RGS6: variants seen among roughly 807,000 people sequenced by gnomAD.
RGS6 encodes the protein regulator of G-protein signaling 6.
A neutral mutation model predicts 78.5 loss-of-function variants in RGS6; 30 were observed. The ratio of observed to expected loss-of-function variants is 0.38; its 90% CI spans 0.29 to 0.52. The LOEUF (loss-of-function observed/expected upper bound fraction) is 0.52, where lower values mean the gene tolerates loss of function less well. Ranked by LOEUF, RGS6 falls within the 20% of genes least tolerant of loss-of-function variation. RGS6 has a pLI of 0.85. For missense variants in RGS6, 495 were observed against 609.7 expected (o/e 0.81, Z 1.98); for synonymous variants, 206 against 206.0 (o/e 1.00, Z 0.00).
chr14:72,234,803 C>G (rs2050575087), intron 2 of RGS6, among the ~76,000 whole-genome samples: 1 of 152,102 alleles, frequency 6.6e-6, no homozygotes, highest in Non-Finnish European at 1.5e-5. Flanking sequence ...CCTTTGAGAG[C>G]AAGTTTTCTC....
chr14:72,510,522 T>C (rs975149974), intron 14 of RGS6, among the ~76,000 whole-genome samples: 2 of 152,226 alleles, frequency 1.3e-5, no homozygotes, highest in South Asian at 2.1e-4. Context: ...GTGCGACTAA[T>C]TGGAAATAAG....
chr14:72,581,717 A>T, the RGS6 span, among the ~76,000 whole-genome samples: 1 of 152,052 alleles, frequency 6.6e-6, no homozygotes, highest in Admixed American at 6.5e-5. Context: ...TCCCTTCTCC[A>T]CCTACAAGAC....
At chr14:72,153,403 T>C (rs2096722507) in intron 2 of RGS6, among the ~76,000 whole-genome samples, 1 of 152,234 alleles carries the variant, frequency 6.6e-6, no homozygotes, top group Non-Finnish European at 1.5e-5. Context: ...GCTGTTTGCC[T>C]GCTTTTCACT....
the RGS6 span, among the ~76,000 whole-genome samples, chr14:72,572,903 G>T: frequency 3.3e-5 from 5 of 151,986 alleles, no homozygotes; most frequent in African/African-American, 1.2e-4. Context: ...AACAGGAAAG[G>T]AGAGGGGGAA....
chr14:72,403,549 C>G (rs2092661309), intron 3 of RGS6, among the ~76,000 whole-genome samples: 1 of 152,082 alleles, frequency 6.6e-6, no homozygotes, highest in South Asian at 2.1e-4. Context: ...TGTTGGGTGA[C>G]TACAGTTAAA....
At chr14:71,938,842 A>G (rs2152949189) in intron 1 of RGS6, among the ~76,000 whole-genome samples, 1 of 152,326 alleles carries the variant, frequency 6.6e-6, no homozygotes, top group Non-Finnish European at 1.5e-5. Flanking sequence ...TAATAGGCCA[A>G]GAGCTGTCTC....
At chr14:71,902,677 G>A in the RGS6 span, among the ~76,000 whole-genome samples, 1 of 152,042 alleles carries the variant, frequency 6.6e-6, no homozygotes, top group Non-Finnish European at 1.5e-5. Flanking sequence ...ATAGAAAGAA[G>A]AATAGAAGTT....
At chr14:72,044,381 G>T (rs1022299359) in intron 2 of RGS6, among the ~76,000 whole-genome samples, 1 of 152,182 alleles carries the variant, frequency 6.6e-6, no homozygotes, top group Non-Finnish European at 1.5e-5. Flanking sequence ...AGAAAGATCT[G>T]CCCTGCCCCA....
chr14:71,896,262 G>A, the RGS6 span, among the ~76,000 whole-genome samples: 24 of 152,308 alleles, frequency 1.6e-4, no homozygotes, highest in Non-Finnish European at 2.9e-4. Flanking sequence ...CTACTCCATA[G>A]ACAGAGCAGC....
At chr14:72,251,240 G>A (rs926144451) in intron 2 of RGS6, among the ~76,000 whole-genome samples, 2 of 152,168 alleles carry the variant, frequency 1.3e-5, no homozygotes, top group African/African-American at 2.4e-5. Flanking sequence ...TTCCTGAAGC[G>A]GTCCTCAGAA....
intron 3 of RGS6, among the ~76,000 whole-genome samples, chr14:72,432,359 G>A (rs1240264276): frequency 1.3e-5 from 2 of 152,198 alleles, no homozygotes; most frequent in African/African-American, 4.8e-5. Flanking sequence ...CCAAAAAAGT[G>A]AGGGATATCA....
chr14:72,621,513 G>C, the RGS6 span, among the ~76,000 whole-genome samples: 1 of 152,220 alleles, frequency 6.6e-6, no homozygotes. Flanking sequence ...CAAGCAATGA[G>C]GGCTTTTTTT....
intron 2 of RGS6, among the ~76,000 whole-genome samples, chr14:71,993,706 T>C (rs565241747): frequency 5.3e-5 from 8 of 152,242 alleles, no homozygotes; most frequent in African/African-American, 1.9e-4. Context: ...TCAACAGTGG[T>C]AGCATGGATG....
At chr14:72,590,441 A>C in the RGS6 span, among the ~76,000 whole-genome samples, 1 of 152,242 alleles carries the variant, frequency 6.6e-6, no homozygotes, top group Non-Finnish European at 1.5e-5. Flanking sequence ...ATATAGTGGG[A>C]TGTTACTCGG....
chr14:72,607,534 A>G, the RGS6 span, among the ~76,000 whole-genome samples: 1 of 152,176 alleles, frequency 6.6e-6, no homozygotes, highest in African/African-American at 2.4e-5. Flanking sequence ...ATTTCAACAT[A>G]TGGATTTTGG....
chr14:72,437,201 C>G (rs1023705897), intron 3 of RGS6, among the ~76,000 whole-genome samples: 8 of 148,264 alleles, frequency 5.4e-5, no homozygotes. Context: ...ATTAGCCAGG[C>G]ATGGTGGCGG....
At chr14:71,911,259 G>T in the RGS6 span, among the ~76,000 whole-genome samples, 2 of 152,116 alleles carry the variant, frequency 1.3e-5, no homozygotes, top group South Asian at 4.2e-4. Context: ...GGGACTAGAG[G>T]GTAACAGTTT....
chr14:72,226,154 C>G (rs181798456), intron 2 of RGS6, among the ~76,000 whole-genome samples: 22 of 152,290 alleles, frequency 1.4e-4, no homozygotes, highest in African/African-American at 4.8e-4. Flanking sequence ...CCACCCACTC[C>G]TTTGAAAGTA....
intron 2 of RGS6, among the ~76,000 whole-genome samples, chr14:72,145,982 G>C (rs142150469): frequency 6.6e-6 from 1 of 152,170 alleles, no homozygotes; most frequent in Non-Finnish European, 1.5e-5. Context: ...CTGAGACTGA[G>C]TAATTTATTT....
Sources: gnomAD v4.1 joint callset for allele counts (sites outside exome capture counted in the v4.1 genomes callset) on GRCh38, gnomAD v4.1.1 for gene constraint, MANE v1.5 for transcripts, NCBI Gene and HGNC (gene_info 2026-07-23, HGNC 2026-07-21) for gene names.